Variants in TRIO observed in about 807,000 individuals in gnomAD.
TRIO encodes the protein triple functional domain protein.
In TRIO, 58 loss-of-function variants were observed where a neutral mutation model predicts 351.9. That is an observed-to-expected ratio of 0.16 (90% CI 0.13 to 0.21). The LOEUF (loss-of-function observed/expected upper bound fraction) is 0.21, where lower values mean the gene tolerates loss of function less well. Among genes scored for constraint, TRIO ranks in the 10% least tolerant of loss-of-function variants. The probability of loss-of-function intolerance (pLI) is 1.00; values close to 1 mark genes in which losing one functional copy is unlikely to be tolerated. For synonymous variants in TRIO, 1,758 were observed against 1,595.7 expected (o/e 1.10, Z -2.42); for missense variants, 3,201 against 4,027.8 (o/e 0.79, Z 5.56).
chr5:14,476,573 CT>C (rs1470609124), intron 40 of TRIO, among the ~76,000 whole-genome samples: 32 of 152,142 alleles, frequency 2.1e-4, no homozygotes. Context: ...AGGCGGATCA[CT>C]TGAGGTCAGG....
Position 14,424,746 on chromosome 5 carries a change from A to C in TRIO, c.5203+4725A>C, listed in dbSNP as rs76889543. 9.9e-3 allele frequency among the ~76,000 whole-genome samples: 1,513 copies of C among 152,298 alleles called. 27 individuals are homozygous for C. Among genetic ancestry groups the C allele is most frequent in the African/African-American group, 0.035 (1,445 of 41,552 alleles). On this transcript the variant is annotated intron_variant, in intron 34 of 56. Coordinates refer to ENST00000344204, the MANE Select transcript of TRIO (RefSeq NM_007118.4). ...AGTGATACATGATTGCTATTAATCA[A>C]ATGGGGCATTTTTTTCTAACTCAAG...
At chr5:14,221,704 A>G (rs1403861715) in intron 1 of TRIO, among the ~76,000 whole-genome samples, 3 of 152,256 alleles carry the variant, frequency 2.0e-5, no homozygotes, top group Admixed American at 6.5e-5. Flanking sequence ...CAGTCTCGTG[A>G]TTAAACTCCT....
chr5:14,200,529 A>G (rs1246151557), intron 1 of TRIO, among the ~76,000 whole-genome samples: 2 of 152,222 alleles, frequency 1.3e-5, no homozygotes, highest in Non-Finnish European at 2.9e-5. Context: ...GGTGCATTGT[A>G]AGTATTCAGT....
intron 11 of TRIO, among the ~76,000 whole-genome samples, chr5:14,355,380 G>A (rs1336768009): frequency 6.6e-6 from 1 of 152,214 alleles, no homozygotes; most frequent in Non-Finnish European, 1.5e-5. Flanking sequence ...TTTGTCCAGA[G>A]CGTTGCTGTT....
At chr5:14,394,194 A>G (rs557051654) in intron 28 of TRIO, 64 bp downstream of exon 28, 38 of 1,016,214 alleles carry the variant, frequency 3.7e-5, no homozygotes, top group African/African-American at 4.9e-5. Context: ...GACATTTACT[A>G]TATATTTATA....
chr5:14,277,638 C>T (rs1204736954), intron 2 of TRIO, among the ~76,000 whole-genome samples: 1 of 152,142 alleles, frequency 6.6e-6, no homozygotes, highest in Non-Finnish European at 1.5e-5. Flanking sequence ...TTACTAGTTT[C>T]GGAACAGGAA....
chr5:14,503,477 C>T (rs1000430092), intron 54 of TRIO, among the ~76,000 whole-genome samples: 18 of 152,370 alleles, frequency 1.2e-4, no homozygotes, highest in African/African-American at 4.1e-4. Context: ...GTTGGCCTCT[C>T]CTGGCCTGGT....
intron 29 of TRIO, chr5:14,397,422 C>T (rs962720344): frequency 2.6e-5 from 9 of 350,230 alleles, no homozygotes; most frequent in African/African-American, 1.0e-4. Context: ...TGCTGCAGGC[C>T]ACCTGTTCTC....
chr5:14,321,676 T>A (rs42551), intron 9 of TRIO, among the ~76,000 whole-genome samples: 132,744 of 152,224 alleles, frequency 0.87, 58,309 homozygotes, highest in African/African-American at 0.95. Flanking sequence ...TTAGGTTCCC[T>A]TGTGGACGCC....
chr5:14,507,332 C>G, intron 56 of TRIO, 72 bp downstream of exon 56: 2 of 1,581,138 alleles, frequency 1.3e-6, no homozygotes, highest in South Asian at 1.2e-5. Flanking sequence ...ACAGAGCCCC[C>G]TCTGAAGCCA....
chr5:14,237,690 A>G (rs1793864915), intron 1 of TRIO, among the ~76,000 whole-genome samples: 1 of 152,232 alleles, frequency 6.6e-6, no homozygotes. Flanking sequence ...ATTGATCAGC[A>G]TGGTGTTTAA....
intron 1 of TRIO, among the ~76,000 whole-genome samples, chr5:14,208,836 C>A (rs1292250608): frequency 1.3e-5 from 2 of 152,156 alleles, no homozygotes; most frequent in Non-Finnish European, 2.9e-5. Context: ...GTGTTACCTA[C>A]CTGAAGTGGA....
intron 1 of TRIO, among the ~76,000 whole-genome samples, chr5:14,262,117 A>T (rs1445820020): frequency 1.3e-5 from 2 of 152,258 alleles, no homozygotes; most frequent in Non-Finnish European, 2.9e-5. Flanking sequence ...CAGTCTGCTC[A>T]GTGAGACTGC....
intron 34 of TRIO, among the ~76,000 whole-genome samples, chr5:14,455,879 C>T (rs970306646): frequency 2.0e-5 from 3 of 152,386 alleles, no homozygotes; most frequent in Admixed American, 6.5e-5. Context: ...CCGCCAGTCC[C>T]GCACTGCACA....
intron 8 of TRIO, among the ~76,000 whole-genome samples, chr5:14,314,431 G>C (rs1329666876): frequency 6.6e-6 from 1 of 152,166 alleles, no homozygotes; most frequent in Non-Finnish European, 1.5e-5. Flanking sequence ...CTGTAGCCTG[G>C]TCATGTGGCA....
chr5:14,412,733 G>A (rs1375080476), intron 33 of TRIO, among the ~76,000 whole-genome samples: 2 of 152,208 alleles, frequency 1.3e-5, no homozygotes, highest in Admixed American at 6.5e-5. Context: ...CCACAGGATG[G>A]TGCTTATTTT....
chr5:14,390,299 G>T lies in TRIO; in HGVS notation c.4127G>T (p.Trp1376Leu), dbSNP rs79341256. 6.2e-7 allele frequency: 1 copy of T among 1,613,880 alleles called. No homozygotes were observed. The highest frequency in any genetic ancestry group is 1.1e-5 in the South Asian group (1 of 91,000). ...GATGTTGGACATTGTTTTGTTACTT[G>T]GGTAATGAAACCTCAACCATTTGTT... Reference protein sequence around the residue: ...PEDVGHCFVTWADKFQMYVTY... With the variant: ...PEDVGHCFVTLADKFQMYVTY... The change falls in exon 26 of 57, where the codon TGG becomes TTG. Residue 1376 changes from tryptophan (W) to leucine (L), a missense_variant and splice_region_variant. Transcript: ENST00000344204.
intron 21 of TRIO, among the ~76,000 whole-genome samples, chr5:14,383,247 A>T (rs1746269593): frequency 6.6e-6 from 1 of 152,210 alleles, no homozygotes; most frequent in Non-Finnish European, 1.5e-5. Context: ...TTGTTTGATT[A>T]TAAAGGTATT....
intron 1 of TRIO, among the ~76,000 whole-genome samples, chr5:14,163,094 C>G (rs977454360): frequency 6.6e-6 from 1 of 152,156 alleles, no homozygotes; most frequent in Non-Finnish European, 1.5e-5. Flanking sequence ...GTTTGTTACA[C>G]CTATCAACTC....
Sources: allele counts gnomAD v4.1 joint callset (sites outside exome capture counted in the v4.1 genomes callset), GRCh38; gene constraint gnomAD v4.1.1; transcripts MANE v1.5; gene names NCBI Gene and HGNC (gene_info 2026-07-23, HGNC 2026-07-21).